KDM4B: variants seen among roughly 807,000 people sequenced by gnomAD.
The protein encoded by KDM4B is lysine-specific demethylase 4B.
KDM4B carries 32 observed loss-of-function variants against 125.2 expected under a neutral mutation model. The ratio of observed to expected loss-of-function variants is 0.26; its 90% CI spans 0.19 to 0.34. The LOEUF is 0.34. KDM4B is among the 10% of genes least tolerant of loss of function. The probability of loss-of-function intolerance (pLI) is 1.00; values close to 1 mark genes in which losing one functional copy is unlikely to be tolerated. For missense variants in KDM4B, 1,190 were observed against 1,577.7 expected (o/e 0.75, Z 4.16); for synonymous variants, 721 against 677.9 (o/e 1.06, Z -0.99).
intron 6 of KDM4B, among the ~76,000 whole-genome samples, chr19:5,055,609 C>T (rs899204670): frequency 1.3e-5 from 2 of 151,942 alleles, no homozygotes; most frequent in Admixed American, 6.6e-5. Context: ...GCGGTGGGCC[C>T]GTGATGGGGG....
intron 9 of KDM4B, among the ~76,000 whole-genome samples, chr19:5,088,867 A>G (rs1266916986): frequency 1.3e-5 from 2 of 152,096 alleles, no homozygotes; most frequent in Admixed American, 6.5e-5. Flanking sequence ...TGACCTTACC[A>G]TCTCTGCCAT....
chr19:5,149,416 C>T (rs986362956), intron 21 of KDM4B, among the ~76,000 whole-genome samples: 1 of 152,236 alleles, frequency 6.6e-6, no homozygotes, highest in Non-Finnish European at 1.5e-5. Flanking sequence ...CTACAGCCTC[C>T]ACCTCAGCCT....
At chr19:5,127,493 A>G (rs1014499015) in intron 11 of KDM4B, among the ~76,000 whole-genome samples, 1 of 152,200 alleles carries the variant, frequency 6.6e-6, no homozygotes, top group Non-Finnish European at 1.5e-5. Flanking sequence ...AATCCAGGGC[A>G]CCAGCAGGTG....
intron 9 of KDM4B, among the ~76,000 whole-genome samples, chr19:5,091,110 G>C (rs1383235973): frequency 6.6e-6 from 1 of 152,244 alleles, no homozygotes; most frequent in East Asian, 1.9e-4. Flanking sequence ...ACTCAAGTTA[G>C]TCCTACAAGC....
At chr19:5,108,149 C>T (rs977059071) in intron 9 of KDM4B, among the ~76,000 whole-genome samples, 1 of 152,236 alleles carries the variant, frequency 6.6e-6, no homozygotes, top group Non-Finnish European at 1.5e-5. Context: ...CCCCCCTCCA[C>T]GGGTGCACAC....
intron 9 of KDM4B, among the ~76,000 whole-genome samples, chr19:5,088,668 C>CCCCCCCCCCCCACCG (rs2038588385): frequency 7.1e-6 from 1 of 140,834 alleles, no homozygotes; most frequent in African/African-American, 2.6e-5. Context: ...CCCCCCCTCC[C>CCCCCCCCCCCCACCG]CCCCCCCGCA....
chr19:5,119,966 T>A (rs1310219473), intron 11 of KDM4B, 114 bp downstream of exon 11: 4 of 1,305,644 alleles, frequency 3.1e-6, no homozygotes, highest in Non-Finnish European at 4.1e-6. Context: ...AGAATCTGAT[T>A]CAGTGGCTTT....
chr19:4,977,386 TAGGCGCGAC>T (rs2034484829), intron 1 of KDM4B, among the ~76,000 whole-genome samples: 1 of 152,126 alleles, frequency 6.6e-6, no homozygotes, highest in Non-Finnish European at 1.5e-5. Flanking sequence ...CGTTTGCTGG[TAGGCGCGAC>T]CACCGTTGTG....
intron 1 of KDM4B, among the ~76,000 whole-genome samples, chr19:4,970,445 G>T (rs1254663618): frequency 6.6e-6 from 1 of 152,000 alleles, no homozygotes; most frequent in Non-Finnish European, 1.5e-5. Context: ...GTTCCTTTGG[G>T]TCCCACCGGG....
At chr19:5,102,406 A>G (rs2613744) in intron 9 of KDM4B, among the ~76,000 whole-genome samples, 63,369 of 151,938 alleles carry the variant, frequency 0.42, 13,574 homozygotes, top group East Asian at 0.69. Context: ...GGGAGTGGAG[A>G]CAGTGAGGCC....
intron 9 of KDM4B, among the ~76,000 whole-genome samples, chr19:5,094,893 G>A (rs1040600055): frequency 5.9e-5 from 9 of 152,216 alleles, no homozygotes; most frequent in Non-Finnish European, 1.2e-4. Flanking sequence ...CGTGTCCTGG[G>A]CAGCGCAGGT....
At chr19:5,144,734 C>T (rs1471201651) in intron 20 of KDM4B, 49 bp from the exon 21 acceptor site, 2 of 1,610,978 alleles carry the variant, frequency 1.2e-6, no homozygotes, top group Middle Eastern at 1.7e-4. Context: ...AGCGACAGCC[C>T]CCAGCGTAGT....
intron 11 of KDM4B, among the ~76,000 whole-genome samples, chr19:5,122,041 G>A (rs1347682586): frequency 1.3e-5 from 2 of 152,168 alleles, no homozygotes; most frequent in Admixed American, 6.5e-5. Flanking sequence ...GAAGGACCAT[G>A]ACCTTGGTGG....
chr19:5,121,663 A>G (rs905455270), intron 11 of KDM4B, among the ~76,000 whole-genome samples: 1 of 152,186 alleles, frequency 6.6e-6, no homozygotes, highest in African/African-American at 2.4e-5. Flanking sequence ...GAAAATTAAG[A>G]GACTTTTTTT....
intron 10 of KDM4B, chr19:5,119,220 G>A (rs780394791): frequency 1.4e-5 from 22 of 1,526,640 alleles, no homozygotes; most frequent in Non-Finnish European, 1.8e-5. Context: ...CGGGGCTGTC[G>A]TAAGTGTCTT....
rs1271731323 is a variant in KDM4B at position 5,115,286 on chromosome 19, G to A, written c.1116-4367G>A. Reference sequence around the variant, plus strand: ...CAGCCCCTGGGGGTGCTGGGGGGATGTGGGGGCAACCAGCAGAAGACAGTG... The same window carrying A: ...CAGCCCCTGGGGGTGCTGGGGGGATATGGGGGCAACCAGCAGAAGACAGTG... On this transcript the variant is annotated intron_variant, in intron 10 of 22. Coordinates refer to ENST00000159111, the MANE Select transcript of KDM4B (RefSeq NM_015015.3). This position sits in a 1 kb window ranked among gnomAD's most constrained non-coding sequence, Gnocchi z 4.2. Among the ~76,000 whole-genome samples the A allele has an allele frequency of 1.3e-5, 2 of 152,118 alleles. No homozygotes were observed. The highest frequency in any genetic ancestry group is 2.9e-5 in the Non-Finnish European group (2 of 68,012).
chr19:5,147,387 C>T (rs555646239), intron 21 of KDM4B, among the ~76,000 whole-genome samples: 1 of 152,244 alleles, frequency 6.6e-6, no homozygotes, highest in Admixed American at 6.5e-5. Flanking sequence ...GTCACCAGAG[C>T]CCAGGCAGGG....
intron 11 of KDM4B, among the ~76,000 whole-genome samples, chr19:5,128,622 C>T (rs961683036): frequency 2.6e-5 from 4 of 152,210 alleles, no homozygotes; most frequent in Non-Finnish European, 5.9e-5. Flanking sequence ...CGGGGTGAGG[C>T]GTGCGGCCTC....
chr19:5,133,357 G>C (rs2039591735), intron 13 of KDM4B, among the ~76,000 whole-genome samples: 1 of 152,190 alleles, frequency 6.6e-6, no homozygotes, highest in South Asian at 2.1e-4. Context: ...CTGACTCCCT[G>C]TCGCACTCCT....
Sources: allele counts gnomAD v4.1 joint callset (sites outside exome capture counted in the v4.1 genomes callset), GRCh38; gene constraint gnomAD v4.1.1; non-coding constraint Gnocchi (gnomAD v3.1); transcripts MANE v1.5; gene names NCBI Gene and HGNC (gene_info 2026-07-23, HGNC 2026-07-21).